Variants in PALM2AKAP2 observed in about 807,000 individuals in gnomAD.
The protein encoded by PALM2AKAP2 is PALM2-AKAP2 fusion protein.
PALM2AKAP2 carries 37 observed loss-of-function variants against 71.5 expected under a neutral mutation model. The ratio of observed to expected loss-of-function variants is 0.52; its 90% CI spans 0.40 to 0.68. PALM2AKAP2 has a LOEUF of 0.68. PALM2AKAP2 is among the 30% of genes least tolerant of loss of function. The pLI is 0.00. For missense variants in PALM2AKAP2, 1,224 were observed against 1,191.8 expected (o/e 1.03, Z -0.40); for synonymous variants, 468 against 478.8 (o/e 0.98, Z 0.29).
intron 1 of PALM2AKAP2, among the ~76,000 whole-genome samples, chr9:109,816,286 G>T (rs1217009969): frequency 1.3e-5 from 2 of 152,238 alleles, no homozygotes; most frequent in Non-Finnish European, 2.9e-5. Context: ...AGGCAAGATT[G>T]TTGAGGATAT....
chr9:109,691,871 C>T (rs371910148), intron 1 of PALM2AKAP2, among the ~76,000 whole-genome samples: 3,848 of 52,030 alleles, frequency 0.074, 121 homozygotes, highest in Middle Eastern at 0.17. Flanking sequence ...TATATATACA[C>T]ACACACACAC....
chr9:109,787,795 T>A (rs1193917297), intron 1 of PALM2AKAP2, among the ~76,000 whole-genome samples: 1 of 152,224 alleles, frequency 6.6e-6, no homozygotes, highest in African/African-American at 2.4e-5. Context: ...AGATTGGCAG[T>A]CACAACACAA....
chr9:110,138,445 G>A (rs1339856178), exon 2 of PALM2AKAP2: 1 of 1,614,130 alleles, frequency 6.2e-7, no homozygotes, highest in East Asian at 2.2e-5. Flanking sequence ...AAGAGGAGCT[G>A]AAGAGGCAGA....
intron 1 of PALM2AKAP2, among the ~76,000 whole-genome samples, chr9:109,678,871 T>G (rs1827686205): frequency 6.6e-6 from 1 of 152,212 alleles, no homozygotes; most frequent in Non-Finnish European, 1.5e-5. Context: ...AATAACATGT[T>G]TGCTTTGGAA....
At chr9:109,711,331 T>C (rs1383405875) in intron 1 of PALM2AKAP2, among the ~76,000 whole-genome samples, 1 of 152,192 alleles carries the variant, frequency 6.6e-6, no homozygotes, top group Non-Finnish European at 1.5e-5. Flanking sequence ...ACAATATTAA[T>C]ATGCACTACT....
rs1827927969 is a variant in PALM2AKAP2, at chr9:109,693,556, A to G, written c.5+52690A>G. Among the ~76,000 whole-genome samples, 4 of 151,924 alleles carry G rather than the reference A, an allele frequency of 2.6e-5. No individual in the cohort carries two copies. In the South Asian group the frequency reaches 8.3e-4, roughly 31 times the overall value. ...TGGAAGATTAGATAATTGATTTTAA[A>G]CTTATCTTCTCTAATATTGATATTC... is the stretch of plus-strand genomic sequence containing the variant. On this transcript the variant is annotated intron_variant, in intron 1 of 6. Transcript: ENST00000374531.
intron 3 of PALM2AKAP2, among the ~76,000 whole-genome samples, chr9:109,881,209 A>G (rs1420102880): frequency 6.6e-6 from 1 of 152,226 alleles, no homozygotes; most frequent in African/African-American, 2.4e-5. Flanking sequence ...TACAAAGGAC[A>G]TGATCTCATC....
At chr9:110,165,530 G>T (rs1836713260) in intron 3 of PALM2AKAP2, among the ~76,000 whole-genome samples, 1 of 152,114 alleles carries the variant, frequency 6.6e-6, no homozygotes, top group African/African-American at 2.4e-5. Flanking sequence ...AGAGGCTTTA[G>T]ATTTCACTAG....
intron 1 of PALM2AKAP2, among the ~76,000 whole-genome samples, chr9:109,860,195 C>CTTCAATT (rs1829273272): frequency 6.6e-6 from 1 of 152,176 alleles, no homozygotes; most frequent in Non-Finnish European, 1.5e-5. Context: ...GTGAGCACCT[C>CTTCAATT]TTCAATTTTT....
intron 1 of PALM2AKAP2, among the ~76,000 whole-genome samples, chr9:109,766,080 CAA>C (rs1829148442): frequency 6.6e-6 from 1 of 152,168 alleles, no homozygotes; most frequent in African/African-American, 2.4e-5. Flanking sequence ...TAAGATATGT[CAA>C]GTGTACATGC....
At chr9:109,818,623 C>T (rs1827910933) in intron 1 of PALM2AKAP2, among the ~76,000 whole-genome samples, 1 of 152,098 alleles carries the variant, frequency 6.6e-6, no homozygotes, top group Admixed American at 6.5e-5. Flanking sequence ...AATGCTAAGC[C>T]ATGTATACTT....
intron 1 of PALM2AKAP2, among the ~76,000 whole-genome samples, chr9:109,740,678 G>A (rs1360707248): frequency 6.6e-6 from 1 of 152,060 alleles, no homozygotes. Context: ...CTTTTTAGAC[G>A]GAGTCTCACT....
intron 1 of PALM2AKAP2, among the ~76,000 whole-genome samples, chr9:110,074,458 T>C (rs570147389): frequency 6.6e-6 from 1 of 152,276 alleles, no homozygotes; most frequent in Admixed American, 6.5e-5. Context: ...GGGACCAAGA[T>C]TGAAATTTGC....
chr9:110,097,557 G>A (rs546141013), intron 1 of PALM2AKAP2, among the ~76,000 whole-genome samples: 32,158 of 123,736 alleles, frequency 0.26, 4,682 homozygotes, highest in African/African-American at 0.46. Context: ...CACATCTCAG[G>A]CGATGGGTGG....
intron 7 of PALM2AKAP2, among the ~76,000 whole-genome samples, chr9:110,038,454 G>GC (rs1302870853): frequency 6.6e-6 from 1 of 152,142 alleles, no homozygotes; most frequent in Admixed American, 6.6e-5. Flanking sequence ...CTGACTGATG[G>GC]CCTGTGTTAA....
chr9:109,867,467 A>G (rs1297831205), intron 1 of PALM2AKAP2, 24 bp from the exon 2 acceptor site: 2 of 1,609,148 alleles, frequency 1.2e-6, no homozygotes, highest in African/African-American at 1.3e-5. Flanking sequence ...CCACTCTTAC[A>G]GCCTCTGTCT....
chr9:109,734,768 A>G lies in PALM2AKAP2; in HGVS notation c.6-45720A>G, dbSNP rs1056695898. Reference sequence around the variant, plus strand: ...GAAGATAACTTTCCCACAATTTCCAATGTGTTAGTATTGCCCAGATTGTAG... The same window carrying G: ...GAAGATAACTTTCCCACAATTTCCAGTGTGTTAGTATTGCCCAGATTGTAG... On this transcript the variant is annotated intron_variant, in intron 1 of 6. Coordinates refer to the PALM2AKAP2 transcript ENST00000374531. Among the ~76,000 whole-genome samples the G allele has an allele frequency of 5.3e-5, 8 of 152,318 alleles. No homozygotes were observed. In the East Asian group the frequency reaches 5.8e-4, roughly 11 times the overall value.
intron 2 of PALM2AKAP2, among the ~76,000 whole-genome samples, chr9:109,875,762 C>T (rs1403991882): frequency 6.6e-6 from 1 of 152,164 alleles, no homozygotes; most frequent in Non-Finnish European, 1.5e-5. Flanking sequence ...AGGAAGTTCT[C>T]CTGGTGGTCC....
chr9:109,977,764 C>T (rs1564242642), intron 6 of PALM2AKAP2, among the ~76,000 whole-genome samples: 2 of 151,622 alleles, frequency 1.3e-5, no homozygotes, highest in East Asian at 1.9e-4. Flanking sequence ...CTGCCCTTCA[C>T]CCCCTGCCTC....
Sources: gnomAD v4.1 joint callset for allele counts (sites outside exome capture counted in the v4.1 genomes callset) on GRCh38, gnomAD v4.1.1 for gene constraint, MANE v1.5 for transcripts, NCBI Gene and HGNC (gene_info 2026-07-23, HGNC 2026-07-21) for gene names.